Variants in CLCN1 observed in about 807,000 individuals in gnomAD.
CLCN1 encodes the protein chloride channel protein 1.
In CLCN1, 100 loss-of-function variants were observed where a neutral mutation model predicts 114.5. The ratio of observed to expected loss-of-function variants is 0.87; its 90% CI spans 0.74 to 1.03. The LOEUF (loss-of-function observed/expected upper bound fraction) is 1.03, where lower values mean the gene tolerates loss of function less well. CLCN1 is among the 50% of genes least tolerant of loss of function. The pLI, the probability that CLCN1 is intolerant of heterozygous loss-of-function variation, is 0.00. For missense variants in CLCN1, 1,188 were observed against 1,250.0 expected (o/e 0.95, Z 0.75); for synonymous variants, 485 against 487.1 (o/e 1.00, Z 0.06).
At chr7:143,326,013 T>G (rs969934389) in intron 7 of CLCN1, among the ~76,000 whole-genome samples, 4 of 148,300 alleles carry the variant, frequency 2.7e-5, no homozygotes, top group East Asian at 1.9e-4. Flanking sequence ...GTTTTTTTTG[T>G]TTGTTTGTTT....
intron 17 of CLCN1, 116 bp downstream of exon 17, chr7:143,345,878 A>G: frequency 1.4e-6 from 2 of 1,427,044 alleles, no homozygotes; most frequent in South Asian, 1.3e-5. Context: ...AAGTAGTGGG[A>G]AGAGGGAGGG....
In CLCN1 at chr7:143,334,603, A is replaced by G. The variant is rs572779560; in HGVS notation, c.1401+1730A>G. On this transcript the variant is annotated intron_variant, in intron 12 of 22. Transcript: ENST00000343257. The stretch of plus-strand genomic sequence containing the variant: ...ATTTTTAAATATTTTAAAACGTTCT[A>G]TTTTTTGCTGTTTATTTAATTTAAT... Among the ~76,000 whole-genome samples, 6 of 152,142 alleles carry G rather than the reference A, an allele frequency of 3.9e-5. No individual in the cohort carries two copies. The South Asian group carries it at 1.2e-3, about 32-fold the overall frequency.
At position 143,339,504 on chromosome 7, in the gene CLCN1, C is replaced by T; in HGVS notation, c.1472-7C>T. ...TAACACCTTCCTTCCTTTTATCTTC[C>T]CTCTAGGAGCTGCATTTGGAAGGCT... On this transcript the variant is annotated splice_region_variant and splice_polypyrimidine_tract_variant and intron_variant, in intron 13 of 22. Transcript: ENST00000343257. This position sits in a 1 kb window ranked among gnomAD's most constrained non-coding sequence, Gnocchi z 4.1. 1 of 1,604,898 alleles carries T rather than the reference C, an allele frequency of 6.2e-7. No homozygotes were observed. Among genetic ancestry groups the T allele is most frequent in the Non-Finnish European group, 8.5e-7 (1 of 1,171,712 alleles).
intron 12 of CLCN1, among the ~76,000 whole-genome samples, chr7:143,338,790 T>C (rs1802991527): frequency 1.6e-5 from 2 of 125,952 alleles, no homozygotes; most frequent in Non-Finnish European, 3.2e-5. Flanking sequence ...AGAGACCCTG[T>C]CTCAAAAAAA....
chr7:143,331,075 C>A (rs1802711220), intron 8 of CLCN1, among the ~76,000 whole-genome samples, 157 bp from the exon 9 acceptor site: 1 of 152,028 alleles, frequency 6.6e-6, no homozygotes, highest in Non-Finnish European at 1.5e-5. Context: ...GAGAGTATAT[C>A]CATGGAGGAG....
At position 143,347,620 on chromosome 7, in the gene CLCN1, CAAAAA is replaced by C. The variant is rs57147641; in HGVS notation, c.2403+690_2403+694del. ...TGGGTGACAGATCCAGACTTTGCCT[CAAAAA>C]AAAAAAAAAAAAAAAAAACTAAAAT... On this transcript the variant is annotated intron_variant, in intron 20 of 22. Transcript: ENST00000343257. Among the ~76,000 whole-genome samples the C allele has an allele frequency of 2.3e-3, 219 of 94,936 alleles. 3 individuals are homozygous for C. The South Asian group carries it at 0.041, about 18-fold the overall frequency. The allele number at this position is 94,936 out of a possible 152,430, so 62.3% of individuals were successfully genotyped here.
chr7:143,351,167 G>T (rs934959829), intron 22 of CLCN1, among the ~76,000 whole-genome samples: 8 of 152,172 alleles, frequency 5.3e-5, no homozygotes, highest in Non-Finnish European at 1.5e-5. Flanking sequence ...TATGGCCACA[G>T]CCCTGAAGGG....
Position 143,321,223 on chromosome 7 carries a change from A to G in CLCN1, c.434-142A>G. The G allele has an allele frequency of 2.0e-6, 2 of 982,024 alleles. No homozygotes were observed. Among genetic ancestry groups the G allele is most frequent in the Non-Finnish European group, 3.1e-6 (2 of 639,454 alleles). The allele number at this position is 982,024 out of a possible 1,614,324, so 60.8% of individuals were successfully genotyped here. A position where few individuals can be genotyped will look rare whatever the true frequency, so the allele number is the denominator to read the frequency against. ...GTCGCCTCCATAACTCAGGCTTCCCATGTGTCAAATGAGAGCAGCACCATC... is the reference window on the plus strand; with the variant it reads ...GTCGCCTCCATAACTCAGGCTTCCCGTGTGTCAAATGAGAGCAGCACCATC... On this transcript the variant is annotated intron_variant, in intron 3 of 22. Transcript: ENST00000343257. This position sits in a 1 kb window ranked among gnomAD's most constrained non-coding sequence, Gnocchi z 4.2.
chr7:143,350,680 C>T lies in CLCN1; in HGVS notation c.2595+26C>T. The T allele has an allele frequency of 1.3e-6, 2 of 1,570,080 alleles. No individual in the cohort carries two copies. The highest frequency in any genetic ancestry group is 1.8e-6 in the Non-Finnish European group (2 of 1,140,250). ...GTAATCACGATGTGTCCCATTTGAG[C>T]AGCAGGAGGGAGGCTGGGCATAGGA... On this transcript the variant is annotated intron_variant, in intron 22 of 22. Transcript: ENST00000343257. This position sits in a 1 kb window ranked among gnomAD's most constrained non-coding sequence, Gnocchi z 5.1.
At position 143,339,400 on chromosome 7, in the gene CLCN1, A is replaced by G; in HGVS notation, c.1471+78A>G. 7.2e-7 allele frequency: 1 copy of G among 1,384,202 alleles called. No homozygotes were observed. Among genetic ancestry groups the G allele is most frequent in the Non-Finnish European group, 1.0e-6 (1 of 970,492 alleles). The allele number at this position is 1,384,202 out of a possible 1,614,324, so 85.7% of individuals were successfully genotyped here. Reference sequence around the variant, plus strand: ...CAGGAAACATAAGGAAAGGCCCGGGATGCTGGGAGTTTATATTTGTTCTTA... The same window carrying G: ...CAGGAAACATAAGGAAAGGCCCGGGGTGCTGGGAGTTTATATTTGTTCTTA... On this transcript the variant is annotated intron_variant, in intron 13 of 22. Transcript: ENST00000343257. This position sits in a 1 kb window ranked among gnomAD's most constrained non-coding sequence, Gnocchi z 4.1.
At chr7:143,333,377 C>T (rs755706314) in intron 12 of CLCN1, among the ~76,000 whole-genome samples, 3 of 151,992 alleles carry the variant, frequency 2.0e-5, no homozygotes, top group Non-Finnish European at 4.4e-5. Context: ...GCTGTATTCA[C>T]GTCAACTTAG....
chr7:143,332,432 C>T lies in CLCN1; in HGVS notation c.1180C>T (p.Pro394Ser). ...TTTCTTTTTCAGCCGCCTGCTGTATCCTGGAATTGTTACCTTTGTCATTGC... is the reference window on the plus strand; with the variant it reads ...TTTCTTTTTCAGCCGCCTGCTGTATTCTGGAATTGTTACCTTTGTCATTGC... ...QFLAKHRLLY[P>S]GIVTFVIASF... Residue 394 changes from proline (P) to serine (S), a missense_variant, in exon 11 of 23, where the codon CCT (proline) becomes TCT (serine). By Grantham distance (74) the Pro-to-Ser change is moderately conservative (BLOSUM62 -1). Transcript: ENST00000343257. 2 of 1,613,956 alleles carry T rather than the reference C, an allele frequency of 1.2e-6. No individual in the cohort carries two copies. The highest frequency in any genetic ancestry group is 1.7e-6 in the Non-Finnish European group (2 of 1,179,896).
intron 22 of CLCN1, among the ~76,000 whole-genome samples, chr7:143,351,085 G>A (rs1299171232): frequency 1.3e-5 from 2 of 152,122 alleles, no homozygotes; most frequent in East Asian, 3.9e-4. Flanking sequence ...GCACCCCTCT[G>A]TATTTCTTAT....
chr7:143,329,497 C>G (rs939331386), intron 7 of CLCN1, among the ~76,000 whole-genome samples: 3 of 152,128 alleles, frequency 2.0e-5, no homozygotes, highest in Non-Finnish European at 4.4e-5. Flanking sequence ...AACCATTAGG[C>G]CACCCTCCCC....
At position 143,320,750 on chromosome 7, in the gene CLCN1, C is replaced by A; in HGVS notation, c.388C>A (p.Leu130Met). 6.2e-7 allele frequency: 1 copy of A among 1,613,408 alleles called. No homozygotes were observed. Among genetic ancestry groups the A allele is most frequent in the Non-Finnish European group, 8.5e-7 (1 of 1,179,446 alleles). ...GGTGCTTCTGGGACTGCTGATGGCT[C>A]TGGTCAGCTGGAGCATGGACTACGT... is the stretch of plus-strand genomic sequence containing the variant. ...FLVLLGLLMA[L>M]VSWSMDYVSA... The change falls in exon 3 of 23, where the codon CTG becomes ATG. Residue 130 changes from leucine (L) to methionine (M), a missense_variant. Leu to Met is a conservative substitution (Grantham distance 15). Coordinates refer to ENST00000343257, the MANE Select transcript of CLCN1 (RefSeq NM_000083.3).
intron 18 of CLCN1, 22 bp downstream of exon 18, chr7:143,346,273 C>T: frequency 1.4e-6 from 2 of 1,476,542 alleles, no homozygotes; most frequent in South Asian, 1.1e-5. Context: ...CCCTCATGCA[C>T]CCCAACTCAC....
rs759188441 is a variant in CLCN1, at chr7:143,319,838, G to A, written c.264G>A (p.Val88=). The change falls in exon 2 of 23, where the codon GTG becomes GTA. Residue 88 remains valine (V), a synonymous_variant. Coordinates refer to ENST00000343257, the MANE Select transcript of CLCN1 (RefSeq NM_000083.3). ...AGAAGACAGGCTCCAGTTCTACCGT[G>A]GACAGCAAGGATGAGGATCACTATT... ...MPKKTGSSST[V]DSKDEDHYSK... is the part of the protein sequence containing the mutation. 56 of 1,613,732 alleles carry A rather than the reference G, an allele frequency of 3.5e-5. 1 individual carries two copies. Among genetic ancestry groups the A allele is most frequent in the Non-Finnish European group, 4.2e-6 (5 of 1,179,774 alleles).
At chr7:143,347,455 T>C (rs1232699871) in intron 20 of CLCN1, among the ~76,000 whole-genome samples, 4 of 150,912 alleles carry the variant, frequency 2.7e-5, no homozygotes, top group Non-Finnish European at 4.4e-5. Context: ...ACTCCATTTC[T>C]ACTAAAAATA....
intron 7 of CLCN1, among the ~76,000 whole-genome samples, chr7:143,330,284 A>G (rs1802688226): frequency 6.6e-6 from 1 of 152,104 alleles, no homozygotes; most frequent in Non-Finnish European, 1.5e-5. Flanking sequence ...GGTACATGGT[A>G]TATGTAGAAC....
Sources: allele counts gnomAD v4.1 joint callset (sites outside exome capture counted in the v4.1 genomes callset), GRCh38; gene constraint gnomAD v4.1.1; non-coding constraint Gnocchi (gnomAD v3.1); transcripts MANE v1.5; gene names NCBI Gene and HGNC (gene_info 2026-07-23, HGNC 2026-07-21).